HERC2: variants seen among roughly 807,000 people sequenced by gnomAD.
The protein encoded by HERC2 is HECT and RLD domain containing E3 ubiquitin protein ligase 2.
In HERC2, 102 loss-of-function variants were observed where a neutral mutation model predicts 537.7. The observed-to-expected ratio is 0.19, with a 90% CI of 0.16 to 0.22. The LOEUF is 0.22. Ranked by LOEUF, HERC2 falls within the 10% of genes least tolerant of loss-of-function variation. The pLI, the probability that HERC2 is intolerant of heterozygous loss-of-function variation, is 1.00. For missense variants in HERC2, 4,236 were observed against 6,198.2 expected, an observed-to-expected ratio of 0.68 and a Z score of 10.63; for synonymous variants, 2,224 against 2,466.2, an observed-to-expected ratio of 0.90 and a Z score of 2.91.
At chr15:28,262,572 T>C (rs537007029) in intron 15 of HERC2, among the ~76,000 whole-genome samples, 49 of 152,350 alleles carry the variant, frequency 3.2e-4, no homozygotes, top group African/African-American at 9.6e-4. Context: ...ATGGTCTCAG[T>C]GTGCCTGCAG....
intron 56 of HERC2, 25 bp from the exon 57 acceptor site, chr15:28,182,537 A>C: frequency 4.6e-6 from 7 of 1,524,372 alleles, no homozygotes; most frequent in Non-Finnish European, 6.3e-6. Flanking sequence ...AAAAAAAAGA[A>C]AAAGAAAAGA....
intron 79 of HERC2, 45 bp downstream of exon 79, chr15:28,135,433 A>G (rs2142191974): frequency 6.7e-7 from 1 of 1,502,554 alleles, no homozygotes; most frequent in African/African-American, 1.4e-5. Flanking sequence ...AAACAAACAA[A>G]AACAAAGACA....
At chr15:28,248,082 T>G (rs1199303721) in intron 21 of HERC2, among the ~76,000 whole-genome samples, 1 of 152,174 alleles carries the variant, frequency 6.6e-6, no homozygotes. Flanking sequence ...AGTCTGCAGG[T>G]GAGAAGTCTT....
At chr15:28,140,529 T>A (rs1313063054) in intron 78 of HERC2, among the ~76,000 whole-genome samples, 1 of 152,142 alleles carries the variant, frequency 6.6e-6, no homozygotes, top group African/African-American at 2.4e-5. Flanking sequence ...GGCAATCTTT[T>A]TTTGGGGGCG....
At chr15:28,190,820 T>C in intron 55 of HERC2, 145 bp downstream of exon 55, 4 of 637,280 alleles carry the variant, frequency 6.3e-6, no homozygotes, top group South Asian at 1.9e-5. Context: ...ATAAGTTGTA[T>C]CTTTTAAAGT....
In HERC2 at chr15:28,218,615, T is replaced by C. The variant is rs1399442742; in HGVS notation, c.5902A>G (p.Ile1968Val). 10 of 1,592,148 alleles carry C rather than the reference T, an allele frequency of 6.3e-6. No homozygotes were observed. In the Admixed American group the frequency reaches 1.2e-4, roughly 19 times the overall value. ...HPTAMMFTSTINLLQTLCLSA... is the reference protein window; with the variant it reads ...HPTAMMFTSTVNLLQTLCLSA... ...AGACAAAGAGTCTGCAGTAAGTTAATAGTGCTGGTAAACATCATTGCAGTG... is the reference window on the plus strand; with the variant it reads ...AGACAAAGAGTCTGCAGTAAGTTAACAGTGCTGGTAAACATCATTGCAGTG... The change falls in exon 38 of 93, where the codon ATT becomes GTT. Residue 1968 changes from isoleucine to valine, a missense_variant. Physicochemically the swap from Ile to Val is conservative, Grantham distance 29. Coordinates refer to ENST00000261609, the MANE Select transcript of HERC2 (RefSeq NM_004667.6).
At chr15:28,191,093 C>T in intron 54 of HERC2, 37 bp from the exon 55 acceptor site, 1 of 1,593,964 alleles carries the variant, frequency 6.3e-7, no homozygotes, top group Non-Finnish European at 8.6e-7. Context: ...ACAAAGGCGT[C>T]TTTATTATAG....
intron 50 of HERC2, 101 bp downstream of exon 50, chr15:28,198,277 A>G: frequency 7.4e-7 from 1 of 1,344,116 alleles, no homozygotes; most frequent in South Asian, 1.4e-5. Flanking sequence ...TTTCTTCAAC[A>G]CTTGTTTTCT....
chr15:28,113,112 TG>T lies in HERC2; in HGVS notation c.14190del (p.Arg4731GlyfsTer36). ...LRFVWGRTRL[P>X]RTIADFRGRD... The stretch of plus-strand genomic sequence containing the variant: ...CGGCCCCGGAAGTCGGCGATGGTCC[TG>T]GGCAGCCTCGTCCGGCCCCAGACGA... On this transcript the variant is annotated frameshift_variant, in exon 92 of 93. Transcript: ENST00000261609. LOFTEE classifies it high-confidence loss of function. This position sits in a 1 kb window ranked among gnomAD's most constrained non-coding sequence, Gnocchi z 7.0. 6.2e-7 allele frequency: 1 copy of T among 1,613,806 alleles called. No individual in the cohort carries two copies. The highest frequency in any genetic ancestry group is 8.5e-7 in the Non-Finnish European group (1 of 1,180,034).
chr15:28,273,129 C>G (rs1049315593), intron 7 of HERC2, 125 bp from the exon 8 acceptor site: 1 of 720,958 alleles, frequency 1.4e-6, no homozygotes, highest in African/African-American at 1.8e-5. Context: ...TATTTAGGAT[C>G]AAGTTTCTGA....
chr15:28,198,808 T>C, intron 48 of HERC2, 39 bp from the exon 49 acceptor site: 1 of 1,545,524 alleles, frequency 6.5e-7, no homozygotes, highest in Non-Finnish European at 8.8e-7. Flanking sequence ...GTCCATCATG[T>C]ACACAGGTGA....
At chr15:28,116,928 C>T in intron 87 of HERC2, 69 bp from the exon 88 acceptor site, 4 of 1,610,304 alleles carry the variant, frequency 2.5e-6, no homozygotes, top group Non-Finnish European at 3.4e-6. Flanking sequence ...CCAACGCTCC[C>T]ACACCATGTG....
chr15:28,240,817 T>C (rs1346550382), intron 23 of HERC2, among the ~76,000 whole-genome samples: 1 of 152,226 alleles, frequency 6.6e-6, no homozygotes, highest in Non-Finnish European at 1.5e-5. Flanking sequence ...TTTCAATGCA[T>C]GGTACTGGGA....
At chr15:28,317,781 T>A (rs1029634270) in intron 2 of HERC2, among the ~76,000 whole-genome samples, 5 of 152,220 alleles carry the variant, frequency 3.3e-5, no homozygotes, top group African/African-American at 1.2e-4. Flanking sequence ...TTGTACCAAC[T>A]TCAATTTCTG....
At chr15:28,202,076 C>A (rs771598282) in intron 47 of HERC2, 37 bp downstream of exon 47, 39 of 1,128,234 alleles carry the variant, frequency 3.5e-5, no homozygotes, top group African/African-American at 6.3e-5. Context: ...AGACGGACAG[C>A]GGCCCAGGTG....
At chr15:28,171,222 T>C (rs1036329904) in intron 65 of HERC2, among the ~76,000 whole-genome samples, 3 of 152,238 alleles carry the variant, frequency 2.0e-5, no homozygotes, top group Admixed American at 6.5e-5. Context: ...AGTCAAAACC[T>C]AGAAATAATC....
intron 2 of HERC2, among the ~76,000 whole-genome samples, chr15:28,308,458 TTAGG>T (rs747525041): frequency 2.6e-5 from 4 of 152,242 alleles, no homozygotes; most frequent in Non-Finnish European, 4.4e-5. Context: ...TGTGGAGTCT[TTAGG>T]TTTTTCCAAA....
At chr15:28,300,001 C>T (rs1485275988) in intron 2 of HERC2, among the ~76,000 whole-genome samples, 45 of 148,110 alleles carry the variant, frequency 3.0e-4, no homozygotes, top group African/African-American at 1.1e-3. Context: ...TGCAGTGAGC[C>T]AAGATCGCAC....
intron 23 of HERC2, among the ~76,000 whole-genome samples, chr15:28,240,286 C>T (rs1012840723): frequency 5.3e-5 from 8 of 152,064 alleles, no homozygotes; most frequent in Non-Finnish European, 7.4e-5. Flanking sequence ...GGCGTGGTGG[C>T]AGGCGCCTGT....
Sources: allele counts gnomAD v4.1 joint callset (sites outside exome capture counted in the v4.1 genomes callset), GRCh38; gene constraint gnomAD v4.1.1; non-coding constraint Gnocchi (gnomAD v3.1); transcripts MANE v1.5; gene names NCBI Gene and HGNC (gene_info 2026-07-23, HGNC 2026-07-21).